CAPRIN1: variants seen among roughly 807,000 people sequenced by gnomAD.
The protein encoded by CAPRIN1 is cell cycle associated protein 1.
Under a neutral mutation model 100.9 loss-of-function variants are expected in CAPRIN1, and 29 were observed. The observed-to-expected ratio is 0.29, with a 90% CI of 0.21 to 0.39. The LOEUF (loss-of-function observed/expected upper bound fraction) is 0.39. Among genes scored for constraint, CAPRIN1 ranks in the 10% least tolerant of loss-of-function variants. CAPRIN1 has a pLI of 1.00. For missense variants in CAPRIN1, 795 were observed against 876.7 expected, an observed-to-expected ratio of 0.91 and a Z score of 1.18; for synonymous variants, 338 against 307.5, an observed-to-expected ratio of 1.10 and a Z score of -1.04.
In CAPRIN1 at chr11:34,086,480, T is replaced by C. The variant is rs1311476670; in HGVS notation, c.1231+67T>C. 6.4e-6 allele frequency: 6 copies of C among 930,696 alleles called. No individual in the cohort carries two copies. In the East Asian group the frequency reaches 1.2e-4, roughly 19 times the overall value. The allele number at this position is 930,696 out of a possible 1,614,324, so 57.7% of individuals were successfully genotyped here. ...CCAGTACTTTCAGGTTTTAAAAAGA[T>C]TGTGAAAATAAATTTTGTTTATTTT... On this transcript the variant is annotated intron_variant, in intron 11 of 18. Transcript: ENST00000341394.
At chr11:34,053,064 G>A in intron 2 of CAPRIN1, 1 of 1,030,486 alleles carries the variant, frequency 9.7e-7, no homozygotes, top group Non-Finnish European at 1.2e-6. Context: ...CGACCGCCTC[G>A]TGGAGTTGGG....
At chr11:34,053,154 C>T in intron 2 of CAPRIN1, 1 of 988,138 alleles carries the variant, frequency 1.0e-6, no homozygotes, top group Non-Finnish European at 1.2e-6. Context: ...CCCTCTTCTT[C>T]CGTAGGAGAG....
chr11:34,052,301 C>G (rs1315140712), intron 1 of CAPRIN1, 120 bp from the exon 2 acceptor site: 1 of 859,922 alleles, frequency 1.2e-6, no homozygotes, highest in Non-Finnish European at 1.8e-6. Flanking sequence ...CCCTCCCCCA[C>G]CCGCTCGCGT....
intron 2 of CAPRIN1, among the ~76,000 whole-genome samples, chr11:34,058,238 G>A (rs2134084456): frequency 6.6e-6 from 1 of 152,044 alleles, no homozygotes; most frequent in African/African-American, 2.4e-5. Context: ...CTGGGTTCAA[G>A]TGATTCTCAT....
intron 2 of CAPRIN1, among the ~76,000 whole-genome samples, chr11:34,064,127 C>G (rs1443575160): frequency 6.6e-6 from 1 of 152,090 alleles, no homozygotes; most frequent in South Asian, 2.1e-4. Flanking sequence ...TACTTAATAT[C>G]TTATTTTATT....
chr11:34,059,519 C>T (rs980167481), intron 2 of CAPRIN1, among the ~76,000 whole-genome samples: 6 of 152,172 alleles, frequency 3.9e-5, no homozygotes, highest in African/African-American at 7.2e-5. Context: ...CTGCCTGCCT[C>T]GGCGTCCAAA....
intron 1 of CAPRIN1, 126 bp from the exon 2 acceptor site, chr11:34,052,295 C>A (rs1200306209): frequency 4.9e-6 from 4 of 811,512 alleles, no homozygotes; most frequent in East Asian, 2.9e-5. Flanking sequence ...CGCGCCCCCT[C>A]CCCCACCCGC....
chr11:34,056,250 AAAATC>A (rs1369285635), intron 2 of CAPRIN1, among the ~76,000 whole-genome samples: 1 of 152,188 alleles, frequency 6.6e-6, no homozygotes, highest in Non-Finnish European at 1.5e-5. Flanking sequence ...TATGGATTTT[AAAATC>A]AAATATCCTG....
At chr11:34,066,344 T>A (rs1850692771) in intron 2 of CAPRIN1, among the ~76,000 whole-genome samples, 1 of 150,348 alleles carries the variant, frequency 6.7e-6, no homozygotes. Context: ...TATTTATTTA[T>A]TTTTTTTGAG....
intron 2 of CAPRIN1, 124 bp downstream of exon 2, chr11:34,052,760 C>A: frequency 6.5e-6 from 9 of 1,394,210 alleles, no homozygotes; most frequent in South Asian, 5.3e-5. Context: ...CCTCCTCCCA[C>A]CCCCTGGCCC....
rs1851448616 is a variant in CAPRIN1, at chr11:34,101,148, C to T, written c.*1781C>T. 6.6e-6 allele frequency: 1 copy of T among 152,432 alleles called. No individual in the cohort carries two copies. Among genetic ancestry groups the T allele is most frequent in the Non-Finnish European group, 1.5e-5 (1 of 67,998 alleles). 9.4% of individuals were successfully genotyped at this position (152,432 alleles called of 1,614,324 possible). A position where few individuals can be genotyped will look rare whatever the true frequency, so the allele number is the denominator to read the frequency against. On this transcript the variant is annotated 3_prime_UTR_variant, in exon 19 of 19. Coordinates refer to ENST00000341394, the MANE Select transcript of CAPRIN1 (RefSeq NM_005898.5). The stretch of plus-strand genomic sequence containing the variant: ...ATTTTAAAATAAAATAAAATAAGTT[C>T]TTGACTTTTCTCATGTGTGGTTGTG...
intron 6 of CAPRIN1, among the ~76,000 whole-genome samples, chr11:34,078,466 T>C (rs1266651974): frequency 6.6e-6 from 1 of 152,174 alleles, no homozygotes; most frequent in Non-Finnish European, 1.5e-5. Context: ...TCTGATAGTT[T>C]TTGTTTGTTT....
intron 1 of CAPRIN1, 196 bp from the exon 2 acceptor site, chr11:34,052,225 G>C (rs1850326100): frequency 1.1e-5 from 2 of 187,054 alleles, no homozygotes; most frequent in South Asian, 2.2e-4. Flanking sequence ...AGGCCCAGCC[G>C]GGCGCCCCGC....
Position 34,053,832 on chromosome 11 carries a change from T to C in CAPRIN1, c.216+1196T>C, listed in dbSNP as rs149851408. Among the ~76,000 whole-genome samples, 998 of 152,294 alleles carry C rather than the reference T, an allele frequency of 6.6e-3. 6 individuals carry two copies. The highest frequency in any genetic ancestry group is 8.6e-3 in the Non-Finnish European group (583 of 68,026). ...CAGAGGTGGAAGGGGAGAAACAAAT[T>C]AGTCGTTTGTAAAAACGAGGTAATT... is the stretch of plus-strand genomic sequence containing the variant. On this transcript the variant is annotated intron_variant, in intron 2 of 18. Transcript: ENST00000341394.
intron 7 of CAPRIN1, among the ~76,000 whole-genome samples, chr11:34,080,625 A>G (rs562731684): frequency 1.4e-4 from 21 of 152,250 alleles, no homozygotes; most frequent in African/African-American, 4.8e-4. Context: ...TTTTATGATA[A>G]CTCTTATGTT....
rs10718447 is a variant in CAPRIN1 at position 34,071,802 on chromosome 11, AT to A, written c.279+20del. 1 allele frequency: 1,591,285 copies of A among 1,593,584 alleles called. 794,528 individuals carry two copies. Among genetic ancestry groups the A allele is most frequent in the Non-Finnish European group, 1 (1,161,942 of 1,161,978 alleles). The stretch of plus-strand genomic sequence containing the variant: ...CAAGATCAGCTGGTAAAGATGTTAT[AT>A]TTTTTATTTTAGACCTAATGCTCAC... On this transcript the variant is annotated intron_variant, in intron 3 of 18. Transcript: ENST00000341394.
intron 18 of CAPRIN1, chr11:34,098,804 CATT>C (rs768352279): frequency 1.5e-5 from 15 of 983,918 alleles, no homozygotes; most frequent in Middle Eastern, 5.2e-4. Context: ...TGTTAAAAGT[CATT>C]ATACAGTTTT....
At chr11:34,099,097 T>C (rs915441713) in intron 18 of CAPRIN1, 2 of 1,424,378 alleles carry the variant, frequency 1.4e-6, no homozygotes, top group African/African-American at 2.9e-5. Flanking sequence ...TTAGCTTTAC[T>C]CTTCTTTTAG....
chr11:34,082,756 TCA>T, intron 7 of CAPRIN1, 67 bp from the exon 8 acceptor site: 1 of 1,083,938 alleles, frequency 9.2e-7, no homozygotes, highest in Non-Finnish European at 1.4e-6. Flanking sequence ...TCTACCAATA[TCA>T]CACAGAGTAG....
Sources: allele counts gnomAD v4.1 joint callset (sites outside exome capture counted in the v4.1 genomes callset), GRCh38; gene constraint gnomAD v4.1.1; transcripts MANE v1.5; gene names NCBI Gene and HGNC (gene_info 2026-07-23, HGNC 2026-07-21).